The following PKNOX2 variants were observed in gnomAD, a reference collection of about 807,000 sequenced individuals.
PKNOX2 encodes the protein PBX/knotted 1 homeobox 2.
A neutral mutation model predicts 53.1 loss-of-function variants in PKNOX2; 14 were observed. The observed-to-expected ratio is 0.26, with a 90% CI of 0.17 to 0.41. The LOEUF (loss-of-function observed/expected upper bound fraction) is 0.41. Among genes scored for constraint, PKNOX2 ranks in the 10% least tolerant of loss-of-function variants. The pLI is 1.00. For synonymous variants in PKNOX2, 257 were observed against 242.8 expected, an observed-to-expected ratio of 1.06 and a Z score of -0.54; for missense variants, 496 against 602.8, an observed-to-expected ratio of 0.82 and a Z score of 1.85.
At chr11:125,341,872 G>T (rs1203783077) in intron 3 of PKNOX2, among the ~76,000 whole-genome samples, 2 of 152,264 alleles carry the variant, frequency 1.3e-5, no homozygotes, top group East Asian at 3.8e-4. Context: ...CCCTTCCCCA[G>T]GGCTGGCTTT....
At chr11:125,367,819 A>G (rs1206388535) in intron 4 of PKNOX2, 27 bp from the exon 5 acceptor site, 1 of 1,602,518 alleles carries the variant, frequency 6.2e-7, no homozygotes, top group South Asian at 1.1e-5. Flanking sequence ...ATGCTAACCC[A>G]CCACCTCCCC....
At chr11:125,298,202 G>T (rs1273482070) in intron 2 of PKNOX2, among the ~76,000 whole-genome samples, 4 of 152,176 alleles carry the variant, frequency 2.6e-5, no homozygotes, top group Admixed American at 2.6e-4. Context: ...TACCCCTGGG[G>T]CTGTGGAGGT....
intron 6 of PKNOX2, among the ~76,000 whole-genome samples, chr11:125,386,689 G>A (rs958899946): frequency 2.2e-5 from 3 of 137,428 alleles, no homozygotes; most frequent in Non-Finnish European, 3.1e-5. Context: ...AAAAGAAAAT[G>A]TGGTTCCAGA....
At chr11:125,245,421 G>C (rs1215014884) in intron 2 of PKNOX2, among the ~76,000 whole-genome samples, 1 of 152,238 alleles carries the variant, frequency 6.6e-6, no homozygotes, top group Non-Finnish European at 1.5e-5. Context: ...CTGCTAAAAA[G>C]CAGAGCCACC....
chr11:125,250,615 A>C (rs2135672138), intron 2 of PKNOX2, among the ~76,000 whole-genome samples: 1 of 152,328 alleles, frequency 6.6e-6, no homozygotes, highest in East Asian at 1.9e-4. Flanking sequence ...GAGGTCAGGA[A>C]TGATTTTTAT....
intron 6 of PKNOX2, among the ~76,000 whole-genome samples, chr11:125,386,575 G>T (rs1359923724): frequency 6.6e-6 from 1 of 152,124 alleles, no homozygotes; most frequent in Non-Finnish European, 1.5e-5. Context: ...AGTGAATTTA[G>T]AAACTCTGTA....
At chr11:125,252,039 A>G (rs1944041779) in intron 2 of PKNOX2, among the ~76,000 whole-genome samples, 1 of 152,172 alleles carries the variant, frequency 6.6e-6, no homozygotes, top group African/African-American at 2.4e-5. Context: ...CTGACAAGTA[A>G]GCAGGCACCT....
intron 1 of PKNOX2, among the ~76,000 whole-genome samples, chr11:125,194,827 A>T (rs1446694578): frequency 6.6e-6 from 1 of 152,208 alleles, no homozygotes; most frequent in Non-Finnish European, 1.5e-5. Context: ...GGCTGCAGGC[A>T]AGGTGCTGTG....
intron 5 of PKNOX2, among the ~76,000 whole-genome samples, chr11:125,372,751 C>T (rs544532301): frequency 1.1e-4 from 16 of 152,194 alleles, no homozygotes; most frequent in Admixed American, 5.2e-4. Context: ...ATTCTTCTGC[C>T]TCCTCTTTAG....
intron 2 of PKNOX2, among the ~76,000 whole-genome samples, chr11:125,315,215 AGT>A (rs1413053612): frequency 6.8e-6 from 1 of 147,368 alleles, no homozygotes; most frequent in African/African-American, 2.5e-5. Context: ...AGATGGAGGC[AGT>A]GTGGAGAAAT....
intron 2 of PKNOX2, among the ~76,000 whole-genome samples, chr11:125,312,445 C>T (rs569321784): frequency 7.9e-5 from 12 of 152,196 alleles, no homozygotes; most frequent in Non-Finnish European, 1.2e-4. Context: ...TCTGAGTTCA[C>T]GCTGAGCACC....
chr11:125,408,405 C>T (rs1955247860), intron 7 of PKNOX2, among the ~76,000 whole-genome samples: 1 of 152,252 alleles, frequency 6.6e-6, no homozygotes, highest in South Asian at 2.1e-4. Context: ...CCCCTCTGTT[C>T]CCCAAGGTCA....
intron 2 of PKNOX2, chr11:125,330,371 T>G (rs1285478577): frequency 6.6e-6 from 1 of 152,216 alleles, no homozygotes; most frequent in Non-Finnish European, 1.5e-5. Context: ...TAGGAGTAAC[T>G]GGACCACGAT....
chr11:125,189,156 G>T (rs1956632167), intron 1 of PKNOX2, among the ~76,000 whole-genome samples: 1 of 151,388 alleles, frequency 6.6e-6, no homozygotes, highest in Non-Finnish European at 1.5e-5. Flanking sequence ...AGGGGTATAG[G>T]TGAATTAAGT....
chr11:125,391,863 C>T (rs879412633), intron 6 of PKNOX2, among the ~76,000 whole-genome samples: 7 of 152,244 alleles, frequency 4.6e-5, no homozygotes, highest in South Asian at 2.1e-4. Context: ...CCACATTTGG[C>T]GGTGATGTTG....
intron 1 of PKNOX2, among the ~76,000 whole-genome samples, chr11:125,213,173 C>T (rs1457092443): frequency 6.6e-6 from 1 of 152,114 alleles, no homozygotes; most frequent in Non-Finnish European, 1.5e-5. Flanking sequence ...TGCTATCATC[C>T]TTTGTGGCGT....
chr11:125,262,427 G>A (rs2084004295), intron 2 of PKNOX2, among the ~76,000 whole-genome samples: 1 of 151,888 alleles, frequency 6.6e-6, no homozygotes, highest in Non-Finnish European at 1.5e-5. Flanking sequence ...TTTGCTTAGC[G>A]TCCCGTCGCA....
chr11:125,251,168 GT>G (rs1489452127), intron 2 of PKNOX2, among the ~76,000 whole-genome samples: 6 of 152,224 alleles, frequency 3.9e-5, no homozygotes, highest in Admixed American at 2.0e-4. Flanking sequence ...CCTGCTGTCT[GT>G]TTTTCCTTGC....
chr11:125,246,127 A>C (rs1273129670), intron 2 of PKNOX2, among the ~76,000 whole-genome samples: 1 of 152,228 alleles, frequency 6.6e-6, no homozygotes, highest in African/African-American at 2.4e-5. Context: ...ACTGTAACAG[A>C]ATACCTGAGA....
Sources: allele counts gnomAD v4.1 joint callset (sites outside exome capture counted in the v4.1 genomes callset), GRCh38; gene constraint gnomAD v4.1.1; transcripts MANE v1.5; gene names NCBI Gene and HGNC (gene_info 2026-07-23, HGNC 2026-07-21).